The following C2orf69 variants were observed in gnomAD, a reference collection of about 807,000 sequenced individuals.
C2orf69 encodes the protein chromosome 2 open reading frame 69, also known as mitochondrial protein C2orf69.
Under a neutral mutation model 29.5 loss-of-function variants are expected in C2orf69, and 19 were observed. The observed-to-expected ratio is 0.65, with a 90% CI of 0.45 to 0.95. The LOEUF is 0.95. Ranked by LOEUF, C2orf69 falls within the 40% of genes least tolerant of loss-of-function variation. The pLI is 0.00. For missense variants in C2orf69, 416 were observed against 482.1 expected (o/e 0.86, Z 1.28); for synonymous variants, 194 against 180.0 (o/e 1.08, Z -0.62).
In C2orf69 at chr2:199,923,593, A is replaced by C. The variant is rs189917956; in HGVS notation, c.334-1469A>C. Among the ~76,000 whole-genome samples, 17 of 152,328 alleles carry C rather than the reference A, an allele frequency of 1.1e-4. No homozygotes were observed. The East Asian group carries it at 3.1e-3, about 28-fold the overall frequency. On this transcript the variant is annotated intron_variant, in intron 1 of 1. Transcript: ENST00000319974. Reference sequence around the variant, plus strand: ...TGATGAAAATTTAGCATCCAAATTGAGATGTACTATAAGTACGAAATACAC... The same window carrying C: ...TGATGAAAATTTAGCATCCAAATTGCGATGTACTATAAGTACGAAATACAC...
intron 1 of C2orf69, among the ~76,000 whole-genome samples, chr2:199,923,812 T>C (rs1021326190): frequency 2.6e-5 from 4 of 152,228 alleles, no homozygotes; most frequent in African/African-American, 7.2e-5. Context: ...GTGGCTCATG[T>C]TTTATTTCTG....
rs968148243 is a variant in C2orf69 at position 199,925,283 on chromosome 2, G to A, written c.555G>A (p.Lys185=). 2 of 1,612,254 alleles carry A rather than the reference G, an allele frequency of 1.2e-6. No individual in the cohort carries two copies. Among genetic ancestry groups the A allele is most frequent in the Non-Finnish European group, 1.7e-6 (2 of 1,179,576 alleles). The change falls in exon 2 of 2, where the codon AAG becomes AAA. Residue 185 remains lysine (K), a synonymous_variant. Coordinates refer to ENST00000319974, the MANE Select transcript of C2orf69 (RefSeq NM_153689.6). This position sits in a 1 kb window ranked among gnomAD's most constrained non-coding sequence, Gnocchi z 4.9. ...PEHNTDFGAF[K]HLYMLLVNAF... ...ACAATACTGACTTTGGAGCTTTTAA[G>A]CACCTTTATATGTTATTAGTTAATG... is the stretch of plus-strand genomic sequence containing the variant.
At position 199,911,570 on chromosome 2, in the gene C2orf69, C is replaced by T. The variant is rs755050592; in HGVS notation, c.132C>T (p.Ser44=). The T allele has an allele frequency of 2.0e-5, 31 of 1,549,740 alleles. No homozygotes were observed. In the South Asian group the frequency reaches 3.6e-4, roughly 18 times the overall value. The change falls in exon 1 of 2, where the codon TCC becomes TCT. Residue 44 remains serine (S), a synonymous_variant. Coordinates refer to ENST00000319974, the MANE Select transcript of C2orf69 (RefSeq NM_153689.6). ...GCGGCAGCGGCGGCGCGCGATGCTC[C>T]CTCTCGGCCGAGGTGCGCCGCCGTC... The part of the protein sequence containing the change: ...NPGGSGGARC[S]LSAEVRRRQC...
intron 1 of C2orf69, among the ~76,000 whole-genome samples, chr2:199,913,480 A>AT (rs1297345343): frequency 1.2e-4 from 3 of 24,260 alleles, no homozygotes; most frequent in Non-Finnish European, 2.0e-4. Context: ...ATATTATATA[A>AT]AATATATATT....
chr2:199,925,952 C>A lies in C2orf69; in HGVS notation c.*66C>A. On this transcript the variant is annotated 3_prime_UTR_variant, in exon 2 of 2. Transcript: ENST00000319974. This position sits in a 1 kb window ranked among gnomAD's most constrained non-coding sequence, Gnocchi z 4.9. ...TAAGCACTTTTGAGTGTTATAAATTCAGATAATGGGATGTAATTCATAGCT... is the reference window on the plus strand; with the variant it reads ...TAAGCACTTTTGAGTGTTATAAATTAAGATAATGGGATGTAATTCATAGCT... 1 of 1,050,208 alleles carries A rather than the reference C, an allele frequency of 9.5e-7. No individual in the cohort carries two copies. The highest frequency in any genetic ancestry group is 1.6e-5 in the South Asian group (1 of 63,874). 65.1% of individuals were successfully genotyped at this position (1,050,208 alleles called of 1,614,324 possible). A position where few individuals can be genotyped will look rare whatever the true frequency, so the allele number is the denominator to read the frequency against.
intron 1 of C2orf69, among the ~76,000 whole-genome samples, chr2:199,917,391 G>A (rs2077297370): frequency 6.6e-6 from 1 of 152,096 alleles, no homozygotes; most frequent in African/African-American, 2.4e-5. Flanking sequence ...CTCAGAAAAT[G>A]GGTTTTTCTT....
chr2:199,921,909 T>G (rs2077317609), intron 1 of C2orf69, among the ~76,000 whole-genome samples: 1 of 151,396 alleles, frequency 6.6e-6, no homozygotes, highest in South Asian at 2.1e-4. Context: ...TATTTTTAAA[T>G]AGAGAAAATG....
At chr2:199,918,842 C>G (rs185381147) in intron 1 of C2orf69, among the ~76,000 whole-genome samples, 2 of 152,236 alleles carry the variant, frequency 1.3e-5, no homozygotes, top group Admixed American at 1.3e-4. Context: ...TTTGCTTTTT[C>G]TAGAATTTTG....
At chr2:199,911,886 A>C in intron 1 of C2orf69, 115 bp downstream of exon 1, 1 of 1,404,034 alleles carries the variant, frequency 7.1e-7, no homozygotes, top group Non-Finnish European at 9.6e-7. Flanking sequence ...ACACACCCAC[A>C]CATTCACTGA....
At chr2:199,919,515 A>G (rs281787) in intron 1 of C2orf69, among the ~76,000 whole-genome samples, 103,917 of 152,048 alleles carry the variant, frequency 0.68, 35,845 homozygotes, top group South Asian at 0.83. Flanking sequence ...CTTACTTCAG[A>G]TGTGCACTTT....
At chr2:199,916,088 T>G (rs1275621385) in intron 1 of C2orf69, among the ~76,000 whole-genome samples, 1 of 152,218 alleles carries the variant, frequency 6.6e-6, no homozygotes, top group Non-Finnish European at 1.5e-5. Flanking sequence ...AGAGGTCTAA[T>G]TGAATCAGTT....
In C2orf69 at chr2:199,928,195, G is replaced by A. The variant is rs927360250; in HGVS notation, c.*2309G>A. On this transcript the variant is annotated 3_prime_UTR_variant, in exon 2 of 2. Transcript: ENST00000319974. ...GTGCCTTTGTCATGAGTTGAGAAAAGTAGTCCTACAAATAATGTGAAAGTT... is the reference window on the plus strand; with the variant it reads ...GTGCCTTTGTCATGAGTTGAGAAAAATAGTCCTACAAATAATGTGAAAGTT... The A allele has an allele frequency of 6.6e-6, 1 of 152,554 alleles. No individual in the cohort carries two copies. The highest frequency in any genetic ancestry group is 2.4e-5 in the African/African-American group (1 of 41,426). 9.5% of individuals were successfully genotyped at this position (152,554 alleles called of 1,614,324 possible).
Position 199,928,008 on chromosome 2 carries a change from TC to T in C2orf69, c.*2123del, listed in dbSNP as rs2077342410. The T allele has an allele frequency of 6.6e-6, 1 of 152,496 alleles. No individual in the cohort carries two copies. Among genetic ancestry groups the T allele is most frequent in the Non-Finnish European group, 1.5e-5 (1 of 67,978 alleles). The allele number at this position is 152,496 out of a possible 1,614,324, so 9.4% of individuals were successfully genotyped here. A position where few individuals can be genotyped will look rare whatever the true frequency, so the allele number is the denominator to read the frequency against. Reference sequence around the variant, plus strand: ...AGTCACCAGGTACACAAAACTGCCATCATAGCAAAATGAGACAGTGTTGAAA... The same window carrying T: ...AGTCACCAGGTACACAAAACTGCCATATAGCAAAATGAGACAGTGTTGAAA... On this transcript the variant is annotated 3_prime_UTR_variant, in exon 2 of 2. Transcript: ENST00000319974.
In C2orf69 at chr2:199,911,507, C is replaced by G; in HGVS notation, c.69C>G (p.Asn23Lys). ...LLLLPQLGIG[N>K]ASSCSQARTM... ...TGCTGCCGCAGCTCGGAATCGGAAA[C>G]GCCTCGTCCTGCTCTCAGGCCAGAA... Residue 23 changes from asparagine (N) to lysine (K), a missense_variant, in exon 1 of 2, where the codon AAC (asparagine) becomes AAG (lysine). By Grantham distance (94) the Asn-to-Lys change is moderately conservative. Coordinates refer to ENST00000319974, the MANE Select transcript of C2orf69 (RefSeq NM_153689.6). The G allele has an allele frequency of 6.5e-7, 1 of 1,548,756 alleles. No individual in the cohort carries two copies. The highest frequency in any genetic ancestry group is 8.7e-7 in the Non-Finnish European group (1 of 1,146,232).
At chr2:199,920,762 C>G (rs1488391137) in intron 1 of C2orf69, among the ~76,000 whole-genome samples, 1 of 151,584 alleles carries the variant, frequency 6.6e-6, no homozygotes, top group Non-Finnish European at 1.5e-5. Flanking sequence ...GGAGACCATC[C>G]TGGCTAACAT....
Position 199,926,746 on chromosome 2 carries a change from C to G in C2orf69, c.*860C>G, listed in dbSNP as rs1348342954. ...TAAGACATTCTGGGGTTTCTTGAAT[C>G]TTGTCCAAAAACCAGTTGTTTTGGA... is the stretch of plus-strand genomic sequence containing the variant. On this transcript the variant is annotated 3_prime_UTR_variant, in exon 2 of 2. Coordinates refer to ENST00000319974, the MANE Select transcript of C2orf69 (RefSeq NM_153689.6). 1 of 152,582 alleles carries G rather than the reference C, an allele frequency of 6.6e-6. No homozygotes were observed. The highest frequency in any genetic ancestry group is 1.5e-5 in the Non-Finnish European group (1 of 68,012). The allele number at this position is 152,582 out of a possible 1,614,324, so 9.5% of individuals were successfully genotyped here. A position where few individuals can be genotyped will look rare whatever the true frequency, so the allele number is the denominator to read the frequency against.
chr2:199,916,845 C>T (rs988743859), intron 1 of C2orf69, among the ~76,000 whole-genome samples: 14 of 152,312 alleles, frequency 9.2e-5, no homozygotes, highest in African/African-American at 2.2e-4. Flanking sequence ...TCCAGGCACA[C>T]GGTGCAAGCT....
chr2:199,918,648 C>T (rs1044717551), intron 1 of C2orf69, among the ~76,000 whole-genome samples: 4 of 152,152 alleles, frequency 2.6e-5, no homozygotes, highest in Non-Finnish European at 5.9e-5. Context: ...AGGTGTGAGC[C>T]ACTGTGCCCG....
At chr2:199,912,444 G>A (rs924941572) in intron 1 of C2orf69, among the ~76,000 whole-genome samples, 1 of 152,076 alleles carries the variant, frequency 6.6e-6, no homozygotes, top group African/African-American at 2.4e-5. Flanking sequence ...AGCCATATAT[G>A]GCTATCTGAA....
Sources: gnomAD v4.1 joint callset for allele counts (sites outside exome capture counted in the v4.1 genomes callset) on GRCh38, gnomAD v4.1.1 for gene constraint, Gnocchi (gnomAD v3.1) non-coding constraint, MANE v1.5 for transcripts, NCBI Gene and HGNC (gene_info 2026-07-23, HGNC 2026-07-21) for gene names.